Variants in TAX1BP1 observed in about 807,000 individuals in gnomAD.
The protein encoded by TAX1BP1 is tax1-binding protein 1.
TAX1BP1 carries 62 observed loss-of-function variants against 97.7 expected under a neutral mutation model. That is an observed-to-expected ratio of 0.63 (90% confidence interval 0.52 to 0.78). The LOEUF (loss-of-function observed/expected upper bound fraction) is 0.78, where lower values mean the gene tolerates loss of function less well. TAX1BP1 is among the 30% of genes least tolerant of loss of function. The pLI is 0.00. For missense variants in TAX1BP1, 867 were observed against 916.1 expected (o/e 0.95, Z 0.69); for synonymous variants, 340 against 304.2 (o/e 1.12, Z -1.23).
intron 4 of TAX1BP1, among the ~76,000 whole-genome samples, chr7:27,766,419 C>CAAAAAAAAAAAAAAA (rs201297532): frequency 9.1e-5 from 7 of 76,908 alleles, no homozygotes; most frequent in Non-Finnish European, 1.2e-4. Context: ...GACTCCGTAT[C>CAAAAAAAAAAAAAAA]AAAAAAAAAA....
In TAX1BP1 at chr7:27,800,611, C is replaced by CT. The variant is rs56199011; in HGVS notation, c.1764+528dup. Among the ~76,000 whole-genome samples, 1,426 of 152,014 alleles carry CT rather than the reference C, an allele frequency of 9.4e-3. 9 individuals are homozygous for CT. The highest frequency in any genetic ancestry group is 0.016 in the Non-Finnish European group (1,081 of 67,952). ...AAAAATAATTATTTTAGGGCCTTGA[C>CT]TTTTTTTGGAGTACAATAATATGTC... On this transcript the variant is annotated intron_variant, in intron 13 of 16. Transcript: ENST00000396319.
chr7:27,743,608 A>G (rs1787700635), intron 1 of TAX1BP1, among the ~76,000 whole-genome samples: 1 of 152,160 alleles, frequency 6.6e-6, no homozygotes, highest in Admixed American at 6.5e-5. Context: ...CTATTACAGA[A>G]ATTTTCAAAC....
chr7:27,800,138 AAATT>A, intron 13 of TAX1BP1, 48 bp downstream of exon 13: 1 of 1,476,648 alleles, frequency 6.8e-7, no homozygotes, highest in Non-Finnish European at 9.0e-7. Context: ...AAACTTCTGA[AAATT>A]AGTTATGTAT....
chr7:27,757,989 C>T, intron 2 of TAX1BP1, 42 bp from the exon 3 acceptor site: 2 of 1,304,296 alleles, frequency 1.5e-6, no homozygotes, highest in Non-Finnish European at 2.2e-6. Flanking sequence ...TAATATTAAA[C>T]TATTTGCTTA....
chr7:27,786,090 A>G (rs1467061545), intron 7 of TAX1BP1, among the ~76,000 whole-genome samples: 1 of 152,050 alleles, frequency 6.6e-6, no homozygotes, highest in Non-Finnish European at 1.5e-5. Flanking sequence ...TTTTGTAAAA[A>G]TATCCTCACT....
intron 3 of TAX1BP1, among the ~76,000 whole-genome samples, chr7:27,760,605 A>G (rs1310461441): frequency 1.3e-5 from 2 of 151,816 alleles, no homozygotes; most frequent in African/African-American, 2.4e-5. Flanking sequence ...CGTGTTAGCC[A>G]GGGTGGTCTC....
intron 15 of TAX1BP1, among the ~76,000 whole-genome samples, chr7:27,819,835 A>G (rs561895262): frequency 2.6e-5 from 4 of 152,302 alleles, no homozygotes; most frequent in South Asian, 4.1e-4. Flanking sequence ...TGCATATATA[A>G]TATCCTTAGA....
intron 13 of TAX1BP1, among the ~76,000 whole-genome samples, chr7:27,804,381 A>G (rs935748012): frequency 6.6e-6 from 1 of 152,212 alleles, no homozygotes; most frequent in Non-Finnish European, 1.5e-5. Context: ...TACTATAAGG[A>G]CGAACCTTCC....
At chr7:27,816,550 G>C in intron 14 of TAX1BP1, 30 bp downstream of exon 14, 1 of 1,498,898 alleles carries the variant, frequency 6.7e-7, no homozygotes, top group Non-Finnish European at 8.9e-7. Flanking sequence ...TTTGGGATTA[G>C]CTGCATCTGG....
chr7:27,749,962 A>T (rs910798032), intron 2 of TAX1BP1, among the ~76,000 whole-genome samples: 3 of 151,958 alleles, frequency 2.0e-5, no homozygotes, highest in Admixed American at 6.6e-5. Context: ...GCTAATTTTT[A>T]AAATTTTTTG....
At chr7:27,815,917 C>T (rs1274141081) in intron 13 of TAX1BP1, among the ~76,000 whole-genome samples, 3 of 151,976 alleles carry the variant, frequency 2.0e-5, no homozygotes, top group Admixed American at 6.5e-5. Flanking sequence ...ATCTGTAATC[C>T]CAGCTACTCA....
chr7:27,776,882 C>T (rs1229658883), intron 5 of TAX1BP1, among the ~76,000 whole-genome samples: 3 of 150,832 alleles, frequency 2.0e-5, no homozygotes, highest in Non-Finnish European at 4.4e-5. Flanking sequence ...TTATTTGTCT[C>T]CAAGTTCACT....
intron 1 of TAX1BP1, among the ~76,000 whole-genome samples, chr7:27,740,735 G>T (rs938125900): frequency 3.3e-5 from 5 of 152,232 alleles, no homozygotes; most frequent in African/African-American, 1.2e-4. Context: ...AAGGACGCTG[G>T]GGTTTGCCTT....
intron 3 of TAX1BP1, among the ~76,000 whole-genome samples, chr7:27,758,646 C>T (rs1788313705): frequency 6.6e-6 from 1 of 152,106 alleles, no homozygotes; most frequent in Non-Finnish European, 1.5e-5. Context: ...GTAATTCTGA[C>T]ATATGCTACA....
intron 3 of TAX1BP1, among the ~76,000 whole-genome samples, chr7:27,764,795 CATTA>C (rs1198762964): frequency 1.3e-5 from 2 of 151,726 alleles, no homozygotes; most frequent in East Asian, 3.9e-4. Context: ...TCCATGGAAT[CATTA>C]ATTTCTTCTG....
At chr7:27,766,586 A>G (rs1296906418) in intron 4 of TAX1BP1, among the ~76,000 whole-genome samples, 5 of 151,968 alleles carry the variant, frequency 3.3e-5, no homozygotes, top group Non-Finnish European at 7.4e-5. Context: ...CCTAGGGCCT[A>G]TCCTTATTTT....
rs74968729 is a variant in TAX1BP1 at position 27,812,372 on chromosome 7, A to G, written c.1765-3977A>G. Among the ~76,000 whole-genome samples, 388 of 152,242 alleles carry G rather than the reference A, an allele frequency of 2.5e-3. 2 individuals are homozygous for G. The highest frequency in any genetic ancestry group is 8.8e-3 in the African/African-American group (364 of 41,538). On this transcript the variant is annotated intron_variant, in intron 13 of 16. Coordinates refer to ENST00000396319, the MANE Select transcript of TAX1BP1 (RefSeq NM_006024.7). ...TCATCTTTGGTTGCGACAGTTCTTTATATATCCCAGATATAATTCCTTTGT... is the reference window on the plus strand; with the variant it reads ...TCATCTTTGGTTGCGACAGTTCTTTGTATATCCCAGATATAATTCCTTTGT...
In TAX1BP1 at chr7:27,829,057, T is replaced by C. The variant is rs1782597837; in HGVS notation, c.*228T>C. On this transcript the variant is annotated 3_prime_UTR_variant, in exon 17 of 17. Transcript: ENST00000396319. The stretch of plus-strand genomic sequence containing the variant: ...TCTTACCTGCTTTAAAAAAAAGTTC[T>C]TGTGTGTTCGTATCTTTATTTATTC... The C allele has an allele frequency of 4.8e-6, 2 of 412,504 alleles. No homozygotes were observed. Among genetic ancestry groups the C allele is most frequent in the Non-Finnish European group, 8.5e-6 (2 of 234,128 alleles). The allele number at this position is 412,504 out of a possible 1,614,324, so 25.6% of individuals were successfully genotyped here.
At chr7:27,789,220 A>AT (rs1354192674) in intron 8 of TAX1BP1, among the ~76,000 whole-genome samples, 2 of 152,052 alleles carry the variant, frequency 1.3e-5, no homozygotes, top group Admixed American at 1.3e-4. Context: ...TACTTGAACT[A>AT]TTTTTTTGCA....
Sources: gnomAD v4.1 joint callset for allele counts (sites outside exome capture counted in the v4.1 genomes callset) on GRCh38, gnomAD v4.1.1 for gene constraint, MANE v1.5 for transcripts, NCBI Gene and HGNC (gene_info 2026-07-23, HGNC 2026-07-21) for gene names.